The following GKAP1 variants were observed in gnomAD, a reference collection of about 807,000 sequenced individuals.
GKAP1 encodes the protein G kinase-anchoring protein 1.
A neutral mutation model predicts 56.7 loss-of-function variants in GKAP1; 31 were observed. The ratio of observed to expected loss-of-function variants is 0.55; its 90% confidence interval spans 0.41 to 0.74. The LOEUF is 0.74. Among genes scored for constraint, GKAP1 ranks in the 30% least tolerant of loss-of-function variants. The pLI is 0.00. For missense variants in GKAP1, 364 were observed against 402.3 expected (o/e 0.90, Z 0.82); for synonymous variants, 151 against 138.6 (o/e 1.09, Z -0.63).
intron 4 of GKAP1, among the ~76,000 whole-genome samples, chr9:83,790,546 G>A (rs1401938649): frequency 6.6e-6 from 1 of 152,162 alleles, no homozygotes; most frequent in Non-Finnish European, 1.5e-5. Flanking sequence ...ACTTTAGGAG[G>A]ACGAGGTGGG....
At chr9:83,774,702 C>CT (rs1168792305) in intron 7 of GKAP1, among the ~76,000 whole-genome samples, 1,301 of 104,680 alleles carry the variant, frequency 0.012, 136 homozygotes, top group African/African-American at 0.028. Flanking sequence ...CAGAAACCCC[C>CT]TTTTTTTTTT....
intron 8 of GKAP1, among the ~76,000 whole-genome samples, chr9:83,765,777 G>A (rs984054492): frequency 3.0e-4 from 46 of 152,290 alleles, no homozygotes; most frequent in Middle Eastern, 6.8e-3. Context: ...TGAAATGGGC[G>A]TATTTACCCA....
chr9:83,776,973 C>G (rs777456923), intron 7 of GKAP1, among the ~76,000 whole-genome samples: 29 of 152,224 alleles, frequency 1.9e-4, no homozygotes, highest in Admixed American at 3.3e-4. Flanking sequence ...GTTGTAGAGA[C>G]AGATAGGACT....
chr9:83,780,627 G>A lies in GKAP1; in HGVS notation c.563-223C>T, dbSNP rs562453749. Reference sequence around the variant, plus strand: ...TACTAATTTACTCAGCTTAAGGAACGTCTTATCCTAGTAAATCCCACCCAT... The same window carrying A: ...TACTAATTTACTCAGCTTAAGGAACATCTTATCCTAGTAAATCCCACCCAT... On this transcript the variant is annotated intron_variant, in intron 6 of 12. Coordinates refer to ENST00000376371, the MANE Select transcript of GKAP1 (RefSeq NM_025211.4). 1.6e-4 allele frequency among the ~76,000 whole-genome samples: 24 copies of A among 152,198 alleles called. No individual in the cohort carries two copies. The South Asian group carries it at 3.1e-3, about 20-fold the overall frequency.
At chr9:83,784,058 A>AATTTG (rs1944022046) in intron 6 of GKAP1, among the ~76,000 whole-genome samples, 1 of 151,768 alleles carries the variant, frequency 6.6e-6, no homozygotes, top group Admixed American at 6.5e-5. Context: ...TGAGCTCAGG[A>AATTTG]ATTTGAGACC....
At chr9:83,782,940 G>A (rs983599993) in intron 6 of GKAP1, among the ~76,000 whole-genome samples, 9 of 146,230 alleles carry the variant, frequency 6.2e-5, no homozygotes. Flanking sequence ...AAAGTGCTAG[G>A]ATTACAGGCG....
intron 8 of GKAP1, among the ~76,000 whole-genome samples, chr9:83,764,470 G>GT (rs1474617900): frequency 1.3e-5 from 2 of 152,192 alleles, no homozygotes; most frequent in East Asian, 3.9e-4. Flanking sequence ...CCAATCTCGG[G>GT]TATTTCTTCA....
chr9:83,802,952 A>G (rs143456296), intron 3 of GKAP1, among the ~76,000 whole-genome samples: 10 of 152,096 alleles, frequency 6.6e-5, no homozygotes, highest in African/African-American at 2.4e-4. Context: ...TACCAAAAAT[A>G]CAAAAAATTA....
intron 6 of GKAP1, among the ~76,000 whole-genome samples, chr9:83,782,516 G>A (rs745904658): frequency 1.1e-4 from 16 of 149,880 alleles, no homozygotes; most frequent in Admixed American, 4.0e-4. Flanking sequence ...GCACCACTAC[G>A]CCCAGCTAAT....
chr9:83,744,610 T>C (rs945520580), intron 10 of GKAP1, among the ~76,000 whole-genome samples: 2 of 152,254 alleles, frequency 1.3e-5, no homozygotes, highest in African/African-American at 4.8e-5. Context: ...TTCCCATCTT[T>C]TTTTCATGTG....
rs990557487 is a variant in GKAP1, at chr9:83,816,192, GA to G, written c.-44+803del. Among the ~76,000 whole-genome samples the G allele has an allele frequency of 1.2e-3, 172 of 141,120 alleles. No homozygotes were observed. The Middle Eastern group carries it at 0.014, about 12-fold the overall frequency. 92.6% of individuals were successfully genotyped at this position (141,120 alleles called of 152,430 possible). A position where few individuals can be genotyped will look rare whatever the true frequency, so the allele number is the denominator to read the frequency against. ...CAACAAGAGCAAAATTCCGCCTCAA[GA>G]AAAAAAAAAAATAGGGTTCACAATC... On this transcript the variant is annotated intron_variant, in intron 2 of 12. Coordinates refer to ENST00000376371, the MANE Select transcript of GKAP1 (RefSeq NM_025211.4).
At position 83,788,673 on chromosome 9, in the gene GKAP1, T is replaced by A; in HGVS notation, c.366A>T (p.Thr122=). 1.2e-6 allele frequency: 2 copies of A among 1,602,650 alleles called. No individual in the cohort carries two copies. The highest frequency in any genetic ancestry group is 1.7e-6 in the Non-Finnish European group (2 of 1,174,592). ...CAAGATCTGCTTCAAACATTTCAGA[T>A]GTCAGCTACAAAAAAAAAGTTTCAC... ...QEWRQRDEQL[T]SEMFEADLEK... is the part of the protein sequence containing the mutation. The change falls in exon 5 of 13, where the codon ACA becomes ACT. Residue 122 remains threonine (T), a synonymous_variant. Coordinates refer to ENST00000376371, the MANE Select transcript of GKAP1 (RefSeq NM_025211.4).
At chr9:83,756,470 CAAAA>C (rs142896755) in intron 8 of GKAP1, among the ~76,000 whole-genome samples, 2 of 75,440 alleles carry the variant, frequency 2.7e-5, no homozygotes, top group Admixed American at 3.7e-4. Flanking sequence ...GACTCCATCT[CAAAA>C]AAAAAAAAAA....
At chr9:83,805,391 C>G (rs1057144233) in intron 3 of GKAP1, among the ~76,000 whole-genome samples, 3 of 151,832 alleles carry the variant, frequency 2.0e-5, no homozygotes, top group Admixed American at 2.0e-4. Flanking sequence ...GTTTATCTGC[C>G]GACCTTCCCT....
Position 83,784,725 on chromosome 9 carries a change from A to C in GKAP1, c.552T>G (p.Phe184Leu). The C allele has an allele frequency of 6.3e-7, 1 of 1,589,660 alleles. No homozygotes were observed. The highest frequency in any genetic ancestry group is 2.3e-5 in the East Asian group (1 of 44,292). The part of the protein sequence containing the change: ...DRPLTVSLKD[F>L]HSEDHISKKT... Reference sequence around the variant, plus strand: ...TTGTATATACATTACCTTCCGAATGAAAATCTTTTAGTGATACTGTGAGAG... The same window carrying C: ...TTGTATATACATTACCTTCCGAATGCAAATCTTTTAGTGATACTGTGAGAG... The change falls in exon 6 of 13, where the codon TTT (phenylalanine) becomes TTG (leucine). Residue 184 changes from phenylalanine (F) to leucine (L), a missense_variant. Transcript: ENST00000376371.
At chr9:83,749,962 T>C (rs1587690247) in intron 9 of GKAP1, among the ~76,000 whole-genome samples, 1 of 152,184 alleles carries the variant, frequency 6.6e-6, no homozygotes, top group South Asian at 2.1e-4. Flanking sequence ...ATATTCGCTA[T>C]GAATATAGAA....
intron 11 of GKAP1, 109 bp from the exon 12 acceptor site, chr9:83,742,138 C>T: frequency 1.5e-6 from 1 of 688,040 alleles, no homozygotes. Flanking sequence ...GGATGAGTAA[C>T]AGAGAAGCTC....
rs370959173 is a variant in GKAP1 at position 83,779,968 on chromosome 9, T to G, written c.585+414A>C. Among the ~76,000 whole-genome samples the G allele has an allele frequency of 3.3e-5, 5 of 152,100 alleles. No homozygotes were observed. The East Asian group carries it at 9.6e-4, about 29-fold the overall frequency. ...CAGGTTACTTTTACCCATGAGTATA[T>G]CTAAAGAATCACAGTTTATTTCAAA... On this transcript the variant is annotated intron_variant, in intron 7 of 12. Transcript: ENST00000376371.
rs150988588 is a variant in GKAP1, at chr9:83,752,724, C to T, written c.840+534G>A. 4.7e-3 allele frequency among the ~76,000 whole-genome samples: 715 copies of T among 152,138 alleles called. 1 individual carries two copies. The highest frequency in any genetic ancestry group is 8.8e-3 in the Admixed American group (134 of 15,270). On this transcript the variant is annotated intron_variant, in intron 9 of 12. Coordinates refer to ENST00000376371, the MANE Select transcript of GKAP1 (RefSeq NM_025211.4). ...TTATGTTATATGTATTTTACAACAA[C>T]AAAAATAAATTATACTATGTGTAAA...
Sources: gnomAD v4.1 joint callset for allele counts (sites outside exome capture counted in the v4.1 genomes callset) on GRCh38, gnomAD v4.1.1 for gene constraint, MANE v1.5 for transcripts, NCBI Gene and HGNC (gene_info 2026-07-23, HGNC 2026-07-21) for gene names.